ZMAT3: variants seen among roughly 807,000 people sequenced by gnomAD.
ZMAT3 encodes zinc finger matrin-type protein 3.
ZMAT3 carries 17 observed loss-of-function variants against 32.3 expected under a neutral mutation model. The ratio of observed to expected loss-of-function variants is 0.53; its 90% confidence interval spans 0.36 to 0.79. The LOEUF (loss-of-function observed/expected upper bound fraction) is 0.79. Ranked by LOEUF, ZMAT3 falls within the 30% of genes least tolerant of loss-of-function variation. ZMAT3 has a pLI of 0.00. For missense variants in ZMAT3, 329 were observed against 359.7 expected, an observed-to-expected ratio of 0.91 and a Z score of 0.69; for synonymous variants, 120 against 133.1, an observed-to-expected ratio of 0.90 and a Z score of 0.68.
chr3:179,052,796 T>C, intron 2 of ZMAT3, among the ~76,000 whole-genome samples: 1 of 152,196 alleles, frequency 6.6e-6, no homozygotes, highest in East Asian at 1.9e-4. Context: ...TACTATGGAA[T>C]ACTACTCAGC....
In ZMAT3 at chr3:179,030,914, G is replaced by A; in HGVS notation, c.356C>T (p.Pro119Leu). ...GACTGGAACAACTGGAGTAGCTGCA[G>A]GCTCGACCACATTGCTCATTCTAGC... Reference protein sequence around the residue: ...PPARMSNVVEPAATPVVPVPP... With the variant: ...PPARMSNVVELAATPVVPVPP... The change falls in exon 3 of 6, where the codon CCT becomes CTT. Residue 119 changes from proline (P) to leucine (L), a missense_variant. Physicochemically the swap from Pro to Leu is moderately conservative, Grantham distance 98. Coordinates refer to ENST00000311417, the MANE Select transcript of ZMAT3 (RefSeq NM_022470.4). The A allele has an allele frequency of 6.2e-7, 1 of 1,613,880 alleles. No individual in the cohort carries two copies. The highest frequency in any genetic ancestry group is 8.5e-7 in the Non-Finnish European group (1 of 1,179,874).
Position 179,035,909 on chromosome 3 carries a change from G to A in ZMAT3, c.271-4910C>T, listed in dbSNP as rs558219041. Among the ~76,000 whole-genome samples the A allele has an allele frequency of 1.2e-4, 18 of 152,268 alleles. No homozygotes were observed. The South Asian group carries it at 2.1e-3, about 18-fold the overall frequency. On this transcript the variant is annotated intron_variant, in intron 2 of 5. Coordinates refer to ENST00000311417, the MANE Select transcript of ZMAT3 (RefSeq NM_022470.4). ...TGTTTACAGGGGAGGTAAGCAATAC[G>A]GAAAAAGAAAACTGTGCACCAAGAA...
chr3:179,026,925 G>A (rs1290934247), intron 5 of ZMAT3, among the ~76,000 whole-genome samples: 2 of 152,160 alleles, frequency 1.3e-5, no homozygotes, highest in Non-Finnish European at 2.9e-5. Context: ...GTGTATATCA[G>A]AAGCATCAAG....
intron 2 of ZMAT3, among the ~76,000 whole-genome samples, chr3:179,038,570 C>G (rs143827696): frequency 1.9e-4 from 29 of 152,256 alleles, no homozygotes; most frequent in African/African-American, 7.0e-4. Flanking sequence ...GAGCGAGACC[C>G]TGTCTCAAAA....
At chr3:179,063,098 C>T (rs1451775443) in intron 2 of ZMAT3, among the ~76,000 whole-genome samples, 1 of 152,114 alleles carries the variant, frequency 6.6e-6, no homozygotes, top group African/African-American at 2.4e-5. Context: ...AGATCCTAGC[C>T]CAAAGTTGTT....
At chr3:179,062,628 G>T (rs1721207214) in intron 2 of ZMAT3, among the ~76,000 whole-genome samples, 1 of 152,208 alleles carries the variant, frequency 6.6e-6, no homozygotes, top group Non-Finnish European at 1.5e-5. Context: ...TCAGAGAGCA[G>T]AACAAGAAAA....
chr3:179,023,706 A>T lies in ZMAT3; in HGVS notation c.*1311T>A, dbSNP rs1186119970. The T allele has an allele frequency of 1.1e-3, 15 of 13,208 alleles. No individual in the cohort carries two copies. Among genetic ancestry groups the T allele is most frequent in the Admixed American group, 2.3e-3 (2 of 884 alleles). The allele number at this position is 13,208 out of a possible 1,614,324, so 0.8% of individuals were successfully genotyped here. A position where few individuals can be genotyped will look rare whatever the true frequency, so the allele number is the denominator to read the frequency against. ...TGCTGGAAAATATATCTATATATAT[A>T]TATATTTTTTTTTTTTTTTTTTTTT... On this transcript the variant is annotated 3_prime_UTR_variant, in exon 6 of 6. Coordinates refer to ENST00000311417, the MANE Select transcript of ZMAT3 (RefSeq NM_022470.4).
intron 2 of ZMAT3, among the ~76,000 whole-genome samples, chr3:179,051,730 A>C (rs1001777393): frequency 8.5e-5 from 13 of 152,244 alleles, no homozygotes; most frequent in Non-Finnish European, 1.8e-4. Flanking sequence ...AGCAAGACTA[A>C]GCAAAAAGAA....
In ZMAT3 at chr3:179,040,564, C is replaced by A. The variant is rs1480231851; in HGVS notation, c.271-9565G>T. ...TTTTGTCACCACCAGGCCTGCCTTA[C>A]AAGAGTTCCTGAAGGAAGCACTAAA... On this transcript the variant is annotated intron_variant, in intron 2 of 5. Transcript: ENST00000311417. Among the ~76,000 whole-genome samples, 3 of 147,290 alleles carry A rather than the reference C, an allele frequency of 2.0e-5. No homozygotes were observed. The South Asian group carries it at 6.6e-4, about 33-fold the overall frequency.
intron 2 of ZMAT3, among the ~76,000 whole-genome samples, chr3:179,033,027 C>A (rs962623245): frequency 1.3e-5 from 2 of 152,162 alleles, no homozygotes; most frequent in African/African-American, 2.4e-5. Flanking sequence ...ATGACGATGG[C>A]GGTTTTGTCG....
At chr3:179,066,341 A>G (rs1401817090) in intron 2 of ZMAT3, among the ~76,000 whole-genome samples, 1 of 152,244 alleles carries the variant, frequency 6.6e-6, no homozygotes, top group African/African-American at 2.4e-5. Flanking sequence ...ACAAAACCAC[A>G]TAATGGGAAC....
At chr3:179,056,724 T>C (rs1211603341) in intron 2 of ZMAT3, among the ~76,000 whole-genome samples, 6 of 152,082 alleles carry the variant, frequency 3.9e-5, no homozygotes, top group African/African-American at 1.4e-4. Context: ...TCAGTCTTAC[T>C]CTCCTGTCCC....
At chr3:179,043,055 T>C (rs1720039780) in intron 2 of ZMAT3, among the ~76,000 whole-genome samples, 1 of 152,150 alleles carries the variant, frequency 6.6e-6, no homozygotes, top group South Asian at 2.1e-4. Flanking sequence ...TACAAACCAC[T>C]GCTTAAGGAA....
At chr3:179,042,892 A>G (rs1720029411) in intron 2 of ZMAT3, among the ~76,000 whole-genome samples, 1 of 152,226 alleles carries the variant, frequency 6.6e-6, no homozygotes, top group Non-Finnish European at 1.5e-5. Flanking sequence ...ATACAAAATC[A>G]ATGTGCAAAA....
In ZMAT3 at chr3:179,067,338, T is replaced by A. The variant is rs549759449; in HGVS notation, c.270+145A>T. 9 of 894,568 alleles carry A rather than the reference T, an allele frequency of 1.0e-5. No individual in the cohort carries two copies. The East Asian group carries it at 2.0e-4, about 19-fold the overall frequency. 55.4% of individuals were successfully genotyped at this position (894,568 alleles called of 1,614,324 possible). ...ATTTTTAAAGTAAAAACATAAGGCT[T>A]TTAATCAAACAAATTCATAGTTAGT... On this transcript the variant is annotated intron_variant, in intron 2 of 5. Coordinates refer to ENST00000311417, the MANE Select transcript of ZMAT3 (RefSeq NM_022470.4).
In ZMAT3 at chr3:179,024,678, A is replaced by C. The variant is rs1343669682; in HGVS notation, c.*339T>G. 1 of 214,108 alleles carries C rather than the reference A, an allele frequency of 4.7e-6. No homozygotes were observed. The highest frequency in any genetic ancestry group is 9.6e-6 in the Non-Finnish European group (1 of 104,258). The allele number at this position is 214,108 out of a possible 1,614,324, so 13.3% of individuals were successfully genotyped here. A position where few individuals can be genotyped will look rare whatever the true frequency, so the allele number is the denominator to read the frequency against. ...ATTGCAAAAGAAAATGAAACTTTTAAATAGTCAAAGTTCTAAGCCGTCAGG... is the reference window on the plus strand; with the variant it reads ...ATTGCAAAAGAAAATGAAACTTTTACATAGTCAAAGTTCTAAGCCGTCAGG... On this transcript the variant is annotated 3_prime_UTR_variant, in exon 6 of 6. Coordinates refer to ENST00000311417, the MANE Select transcript of ZMAT3 (RefSeq NM_022470.4).
chr3:179,022,174 T>C lies in ZMAT3; in HGVS notation c.*2843A>G, dbSNP rs1443709198. 2 of 152,170 alleles carry C rather than the reference T, an allele frequency of 1.3e-5. No homozygotes were observed. Among genetic ancestry groups the C allele is most frequent in the South Asian group, 4.1e-4 (2 of 4,832 alleles). 9.4% of individuals were successfully genotyped at this position (152,170 alleles called of 1,614,324 possible). A position where few individuals can be genotyped will look rare whatever the true frequency, so the allele number is the denominator to read the frequency against. Reference sequence around the variant, plus strand: ...CATTCATAACATCCATTAAGGGCACTGGGAAACTGGAAACCTGAATCCACA... The same window carrying C: ...CATTCATAACATCCATTAAGGGCACCGGGAAACTGGAAACCTGAATCCACA... On this transcript the variant is annotated 3_prime_UTR_variant, in exon 6 of 6. Transcript: ENST00000311417.
At chr3:179,032,147 T>C (rs1186980385) in intron 2 of ZMAT3, among the ~76,000 whole-genome samples, 1 of 149,464 alleles carries the variant, frequency 6.7e-6, no homozygotes, top group Non-Finnish European at 1.5e-5. Flanking sequence ...CGATTGCAGG[T>C]GTGCGCCGCC....
At chr3:179,048,400 A>G (rs1489500529) in intron 2 of ZMAT3, among the ~76,000 whole-genome samples, 3 of 152,228 alleles carry the variant, frequency 2.0e-5, no homozygotes, top group Admixed American at 2.0e-4. Flanking sequence ...GAATCTTAAG[A>G]GCTGTGAGGC....
Sources: gnomAD v4.1 joint callset for allele counts (sites outside exome capture counted in the v4.1 genomes callset) on GRCh38, gnomAD v4.1.1 for gene constraint, MANE v1.5 for transcripts, NCBI Gene and HGNC (gene_info 2026-07-23, HGNC 2026-07-21) for gene names.